Variants in CGNL1 observed in about 807,000 individuals in gnomAD.
The protein encoded by CGNL1 is cingulin like 1.
Under a neutral mutation model 141.2 loss-of-function variants are expected in CGNL1, and 132 were observed. The observed-to-expected ratio is 0.93, with a 90% CI of 0.81 to 1.08. The LOEUF is 1.08. Ranked by LOEUF, CGNL1 falls within the 50% of genes least tolerant of loss-of-function variation. The probability of loss-of-function intolerance (pLI) is 0.00; values close to 1 mark genes in which losing one functional copy is unlikely to be tolerated. For missense variants in CGNL1, 1,870 were observed against 1,588.6 expected (o/e 1.18, Z -3.01); for synonymous variants, 690 against 622.1 (o/e 1.11, Z -1.63).
intron 1 of CGNL1, among the ~76,000 whole-genome samples, chr15:57,416,348 G>C (rs1236692203): frequency 6.6e-6 from 1 of 152,072 alleles, no homozygotes; most frequent in East Asian, 1.9e-4. Flanking sequence ...TTAGGCAGAA[G>C]AGGTTTCTGT....
intron 7 of CGNL1, among the ~76,000 whole-genome samples, chr15:57,454,034 T>C (rs2063351624): frequency 6.6e-6 from 1 of 152,212 alleles, no homozygotes; most frequent in Non-Finnish European, 1.5e-5. Flanking sequence ...CTCTCTTCTC[T>C]AGATTATTAT....
intron 16 of CGNL1, 118 bp downstream of exon 16, chr15:57,544,715 G>C (rs535238758): frequency 8.5e-7 from 1 of 1,180,052 alleles, no homozygotes; most frequent in South Asian, 1.5e-5. Context: ...GGAAGGCAGA[G>C]CAACTACACC....
chr15:57,393,011 T>A (rs1269652386), intron 1 of CGNL1, among the ~76,000 whole-genome samples: 1 of 152,152 alleles, frequency 6.6e-6, no homozygotes, highest in African/African-American at 2.4e-5. Flanking sequence ...TATGTAGTGG[T>A]ATTTTCAAGT....
intron 1 of CGNL1, among the ~76,000 whole-genome samples, chr15:57,432,453 A>T (rs1383445310): frequency 6.6e-6 from 1 of 152,218 alleles, no homozygotes; most frequent in African/African-American, 2.4e-5. Context: ...ACACTCGCTG[A>T]TCTCGCTAAC....
chr15:57,503,026 C>T (rs2064047678), intron 8 of CGNL1, among the ~76,000 whole-genome samples: 1 of 152,198 alleles, frequency 6.6e-6, no homozygotes, highest in Non-Finnish European at 1.5e-5. Context: ...CATTAAGCTA[C>T]CGCCTAAGGA....
At position 57,545,610 on chromosome 15, in the gene CGNL1, G is replaced by C. The variant is rs756617754; in HGVS notation, c.3519G>C (p.Gln1173His). The C allele has an allele frequency of 9.9e-6, 16 of 1,613,486 alleles. No homozygotes were observed. The highest frequency in any genetic ancestry group is 1.4e-5 in the Non-Finnish European group (16 of 1,179,872). Reference protein sequence around the residue: ...ESEERDRANLQLSNRRLERKV... With the variant: ...ESEERDRANLHLSNRRLERKV... ...CTTCCAGGGATCGGGCCAATCTTCA[G>C]CTCAGCAACCGGCGGCTGGAGCGGA... The change falls in exon 17 of 19, where the codon CAG (glutamine) becomes CAC (histidine). Residue 1173 changes from glutamine to histidine, a missense_variant. Transcript: ENST00000281282.
chr15:57,414,132 A>C (rs2062823142), intron 1 of CGNL1, among the ~76,000 whole-genome samples: 1 of 152,180 alleles, frequency 6.6e-6, no homozygotes, highest in African/African-American at 2.4e-5. Flanking sequence ...CCTCAAGCAG[A>C]GGGGGCTGCC....
At chr15:57,478,020 G>A (rs2063678509) in intron 8 of CGNL1, among the ~76,000 whole-genome samples, 1 of 152,210 alleles carries the variant, frequency 6.6e-6, no homozygotes, top group African/African-American at 2.4e-5. Context: ...ATTAATTAGA[G>A]TCTGGCCTGT....
rs753837612 is a variant in CGNL1 at position 57,546,230 on chromosome 15, A to G, written c.3764A>G (p.Lys1255Arg). Residue 1255 changes from lysine (K) to arginine (R), a missense_variant, in exon 18 of 19, where the codon AAG becomes AGG. Lys to Arg is a conservative substitution (Grantham distance 26, BLOSUM62 2). Transcript: ENST00000281282. ...HLQGQLNSMKKDLRLKKLPSK... is the reference protein window; with the variant it reads ...HLQGQLNSMKRDLRLKKLPSK... ...CAGGGGCAGCTCAACTCCATGAAGA[A>G]GGACTTAAGGTGGGCAGGTGTGGAG... is the stretch of plus-strand genomic sequence containing the variant. 3.2e-6 allele frequency: 5 copies of G among 1,581,598 alleles called. No homozygotes were observed. Among genetic ancestry groups the G allele is most frequent in the African/African-American group, 1.3e-5 (1 of 74,280 alleles).
chr15:57,445,742 G>A (rs78368571), intron 4 of CGNL1, among the ~76,000 whole-genome samples: 7 of 152,136 alleles, frequency 4.6e-5, no homozygotes, highest in East Asian at 1.9e-4. Flanking sequence ...CCAAGATGCC[G>A]CCGTTTCTAG....
At chr15:57,388,759 AG>A (rs1567087932) in intron 1 of CGNL1, among the ~76,000 whole-genome samples, 1 of 152,246 alleles carries the variant, frequency 6.6e-6, no homozygotes, top group Admixed American at 6.5e-5. Flanking sequence ...AAGTTCTCCG[AG>A]GGAGAGAATA....
intron 9 of CGNL1, among the ~76,000 whole-genome samples, chr15:57,517,634 C>T (rs569638135): frequency 8.5e-5 from 13 of 152,166 alleles, no homozygotes; most frequent in Non-Finnish European, 1.5e-4. Flanking sequence ...TAGCGAGGGC[C>T]GTCCTTCTGT....
At chr15:57,480,389 G>A (rs1048637141) in intron 8 of CGNL1, among the ~76,000 whole-genome samples, 2 of 149,988 alleles carry the variant, frequency 1.3e-5, no homozygotes, top group Non-Finnish European at 2.9e-5. Flanking sequence ...GTGTGGTGGT[G>A]TACATTTGTA....
chr15:57,388,183 C>G (rs760715370), intron 1 of CGNL1, among the ~76,000 whole-genome samples: 1 of 152,172 alleles, frequency 6.6e-6, no homozygotes, highest in African/African-American at 2.4e-5. Flanking sequence ...GCCTTAGGGT[C>G]TGAGAGCTGG....
chr15:57,512,420 T>TG (rs2030393329), intron 8 of CGNL1, among the ~76,000 whole-genome samples: 1 of 152,134 alleles, frequency 6.6e-6, no homozygotes, highest in African/African-American at 2.4e-5. Context: ...AGAGGACTTT[T>TG]GGGAAGATTT....
At chr15:57,479,457 G>T (rs920153608) in intron 8 of CGNL1, among the ~76,000 whole-genome samples, 2 of 152,006 alleles carry the variant, frequency 1.3e-5, no homozygotes, top group African/African-American at 4.8e-5. Flanking sequence ...TGAGGTCAGG[G>T]GCTCAAGACC....
chr15:57,485,096 T>C (rs2063770860), intron 8 of CGNL1, among the ~76,000 whole-genome samples: 1 of 152,130 alleles, frequency 6.6e-6, no homozygotes, highest in Non-Finnish European at 1.5e-5. Flanking sequence ...CAACATTTAA[T>C]GCCATATATT....
rs201431045 is a variant in CGNL1 at position 57,435,405 on chromosome 15, A to AG, written c.-15-2578dup. On this transcript the variant is annotated intron_variant, in intron 1 of 18. Transcript: ENST00000281282. ...ATTAGAAGAAATAGCTGAAATTTGC[A>AG]GGTTTTTTTGTTTTTTTTTTTTTCC... is the stretch of plus-strand genomic sequence containing the variant. Among the ~76,000 whole-genome samples the AG allele has an allele frequency of 1.9e-4, 20 of 104,840 alleles. 1 individual carries two copies. The highest frequency in any genetic ancestry group is 1.9e-4 in the Non-Finnish European group (9 of 48,202). The allele number at this position is 104,840 out of a possible 152,430, so 68.8% of individuals were successfully genotyped here. A position where few individuals can be genotyped will look rare whatever the true frequency, so the allele number is the denominator to read the frequency against.
chr15:57,499,093 G>C (rs774094410), intron 8 of CGNL1, among the ~76,000 whole-genome samples: 1 of 152,070 alleles, frequency 6.6e-6, no homozygotes, highest in Non-Finnish European at 1.5e-5. Context: ...GGCAGAAGAG[G>C]GGATGTGGGT....
Sources: gnomAD v4.1 joint callset for allele counts (sites outside exome capture counted in the v4.1 genomes callset) on GRCh38, gnomAD v4.1.1 for gene constraint, MANE v1.5 for transcripts, NCBI Gene and HGNC (gene_info 2026-07-23, HGNC 2026-07-21) for gene names.